C8orf34: variants seen among roughly 807,000 people sequenced by gnomAD.
C8orf34 encodes uncharacterized protein C8orf34.
A neutral mutation model predicts 68.3 loss-of-function variants in C8orf34; 65 were observed. The observed-to-expected ratio is 0.95, with a 90% CI of 0.78 to 1.17. The LOEUF is 1.17. Ranked by LOEUF, C8orf34 falls within the 50% of genes most tolerant of loss-of-function variation. The pLI, the probability that C8orf34 is intolerant of heterozygous loss-of-function variation, is 0.00. For missense variants in C8orf34, 664 were observed against 655.4 expected (o/e 1.01, Z -0.14); for synonymous variants, 244 against 241.2 (o/e 1.01, Z -0.11).
At chr8:68,576,956 AT>A (rs1816922793) in intron 7 of C8orf34, among the ~76,000 whole-genome samples, 1 of 151,990 alleles carries the variant, frequency 6.6e-6, no homozygotes, top group African/African-American at 2.4e-5. Flanking sequence ...ATATCCTTAT[AT>A]TTATTACTTA....
At chr8:68,453,204 A>C (rs1811417659) in intron 3 of C8orf34, among the ~76,000 whole-genome samples, 1 of 151,994 alleles carries the variant, frequency 6.6e-6, no homozygotes, top group South Asian at 2.1e-4. Context: ...GGGAAGTATG[A>C]GTCCTCTGAC....
At chr8:68,766,909 C>T (rs777707784) in intron 10 of C8orf34, among the ~76,000 whole-genome samples, 1 of 152,164 alleles carries the variant, frequency 6.6e-6, no homozygotes, top group Non-Finnish European at 1.5e-5. Flanking sequence ...TGAGGCTGGG[C>T]ACAGTGGCTC....
At chr8:68,764,964 T>C (rs908336645) in intron 10 of C8orf34, among the ~76,000 whole-genome samples, 1 of 152,208 alleles carries the variant, frequency 6.6e-6, no homozygotes, top group African/African-American at 2.4e-5. Context: ...AAATAAGAGA[T>C]AAACGAAGAA....
intron 3 of C8orf34, among the ~76,000 whole-genome samples, chr8:68,466,988 G>A (rs991941459): frequency 3.3e-5 from 5 of 151,620 alleles, no homozygotes; most frequent in African/African-American, 1.2e-4. Flanking sequence ...GTTTAAAAAA[G>A]TTTAAGTAGT....
intron 1 of C8orf34, among the ~76,000 whole-genome samples, chr8:68,335,667 A>G (rs1344417336): frequency 6.6e-6 from 1 of 152,202 alleles, no homozygotes; most frequent in East Asian, 1.9e-4. Context: ...TTTTATTTTC[A>G]TGCAGCTTTT....
intron 4 of C8orf34, among the ~76,000 whole-genome samples, chr8:68,473,275 A>T (rs979518257): frequency 2.6e-5 from 4 of 152,106 alleles, no homozygotes; most frequent in African/African-American, 9.7e-5. Context: ...GATTTTATAG[A>T]CAGGCTTGAG....
At chr8:68,690,602 G>A (rs570337501) in intron 8 of C8orf34, among the ~76,000 whole-genome samples, 1 of 151,922 alleles carries the variant, frequency 6.6e-6, no homozygotes, top group South Asian at 2.1e-4. Flanking sequence ...CTTCTATAAG[G>A]TCACTGAACT....
At chr8:68,727,472 C>T (rs376140878) in intron 10 of C8orf34, among the ~76,000 whole-genome samples, 4 of 152,184 alleles carry the variant, frequency 2.6e-5, no homozygotes, top group South Asian at 2.1e-4. Flanking sequence ...TCTGGAGGAC[C>T]GTGGCCCTCT....
chr8:68,617,021 T>G (rs200405159), intron 7 of C8orf34, among the ~76,000 whole-genome samples: 2 of 152,242 alleles, frequency 1.3e-5, no homozygotes, highest in Non-Finnish European at 2.9e-5. Flanking sequence ...CTTGTTGAAT[T>G]GATCTCTTTA....
intron 7 of C8orf34, among the ~76,000 whole-genome samples, chr8:68,559,735 A>AG (rs1183897316): frequency 6.6e-6 from 1 of 152,214 alleles, no homozygotes; most frequent in African/African-American, 2.4e-5. Flanking sequence ...ATTAGCATGT[A>AG]GCCAGGAACT....
intron 12 of C8orf34, among the ~76,000 whole-genome samples, chr8:68,802,657 C>T (rs1824367030): frequency 6.6e-6 from 1 of 151,844 alleles, no homozygotes; most frequent in Admixed American, 6.6e-5. Context: ...TGCCACCATG[C>T]CAGATAATTT....
At chr8:68,353,144 T>A (rs1225036236) in intron 1 of C8orf34, among the ~76,000 whole-genome samples, 1 of 152,094 alleles carries the variant, frequency 6.6e-6, no homozygotes, top group African/African-American at 2.4e-5. Context: ...CCTGGGAGTT[T>A]GACACTGAAT....
At chr8:68,668,931 T>C (rs1043137579) in intron 8 of C8orf34, among the ~76,000 whole-genome samples, 1 of 152,252 alleles carries the variant, frequency 6.6e-6, no homozygotes, top group East Asian at 1.9e-4. Context: ...GAAAGCAGAT[T>C]CTTCCTTAGA....
chr8:68,655,552 T>C (rs138579185), intron 8 of C8orf34, among the ~76,000 whole-genome samples: 3 of 152,314 alleles, frequency 2.0e-5, no homozygotes, highest in African/African-American at 7.2e-5. Context: ...TAGAGATTTA[T>C]GGTACAATGA....
chr8:68,784,522 T>C (rs1035060698), intron 11 of C8orf34, among the ~76,000 whole-genome samples: 81 of 152,250 alleles, frequency 5.3e-4, no homozygotes, highest in African/African-American at 1.9e-3. Context: ...ACTTAAAAAG[T>C]GGGAAGTTAT....
intron 1 of C8orf34, among the ~76,000 whole-genome samples, chr8:68,347,645 A>G (rs763271374): frequency 6.6e-6 from 1 of 152,056 alleles, no homozygotes; most frequent in Non-Finnish European, 1.5e-5. Context: ...CATTTTAGTA[A>G]TAGCCATTCT....
chr8:68,343,514 C>A (rs1806156662), intron 1 of C8orf34, among the ~76,000 whole-genome samples: 1 of 152,060 alleles, frequency 6.6e-6, no homozygotes, highest in East Asian at 1.9e-4. Flanking sequence ...GCTTCTACCT[C>A]CCTGGACTCA....
At chr8:68,396,838 T>TGCATAGGCA (rs1230885081) in intron 1 of C8orf34, among the ~76,000 whole-genome samples, 44 of 151,058 alleles carry the variant, frequency 2.9e-4, no homozygotes, top group Non-Finnish European at 3.8e-4. Context: ...GGAAGCAGCT[T>TGCATAGGCA]GAGGCCTTCA....
intron 3 of C8orf34, among the ~76,000 whole-genome samples, chr8:68,450,770 CACAG>C (rs1252529938): frequency 6.6e-6 from 1 of 152,052 alleles, no homozygotes; most frequent in Non-Finnish European, 1.5e-5. Flanking sequence ...ATCTGTAGAG[CACAG>C]ACAGAGTAGA....
Sources: gnomAD v4.1 joint callset for allele counts (sites outside exome capture counted in the v4.1 genomes callset) on GRCh38, gnomAD v4.1.1 for gene constraint, MANE v1.5 for transcripts, NCBI Gene and HGNC (gene_info 2026-07-23, HGNC 2026-07-21) for gene names.